The following C3orf38 variants were observed in gnomAD, a reference collection of about 807,000 sequenced individuals.
The protein encoded by C3orf38 is chromosome 3 open reading frame 38, also known as uncharacterized protein C3orf38.
Under a neutral mutation model 28.3 loss-of-function variants are expected in C3orf38, and 18 were observed. That is an observed-to-expected ratio of 0.64 (90% confidence interval 0.44 to 0.94). The LOEUF (loss-of-function observed/expected upper bound fraction) is 0.94. C3orf38 is among the 40% of genes least tolerant of loss of function. The pLI, the probability that C3orf38 is intolerant of heterozygous loss-of-function variation, is 0.00. For synonymous variants in C3orf38, 145 were observed against 138.1 expected, an observed-to-expected ratio of 1.05 and a Z score of -0.35; for missense variants, 364 against 396.4, an observed-to-expected ratio of 0.92 and a Z score of 0.69.
rs201957573 is a variant in C3orf38 at position 88,156,382 on chromosome 3, G to T, written c.737G>T (p.Cys246Phe). 32 of 1,614,086 alleles carry T rather than the reference G, an allele frequency of 2.0e-5. No homozygotes were observed. The highest frequency in any genetic ancestry group is 2.7e-5 in the Non-Finnish European group (32 of 1,180,044). The change falls in exon 3 of 3, where the codon TGT becomes TTT. Residue 246 changes from cysteine to phenylalanine, a missense_variant. Cys to Phe is a radical substitution (Grantham distance 205, BLOSUM62 -2). Transcript: ENST00000318887. The part of the protein sequence containing the change: ...VAGTVHRGNT[C>F]LGIFEQIFGL... ...GGGACTGTCCATCGAGGAAACACTT[G>T]TTTGGGCATTTTTGAACAAATTTTT...
In C3orf38 at chr3:88,150,091, C is replaced by G. The variant is rs1274837619; in HGVS notation, c.39C>G (p.Gly13=). 1.9e-6 allele frequency: 3 copies of G among 1,614,068 alleles called. No homozygotes were observed. Among genetic ancestry groups the G allele is most frequent in the Non-Finnish European group, 2.5e-6 (3 of 1,180,024 alleles). The change falls in exon 1 of 3, where the codon GGC becomes GGG. Residue 13 remains glycine, a synonymous_variant. Coordinates refer to ENST00000318887, the MANE Select transcript of C3orf38 (RefSeq NM_173824.4). ...MSGLSFSEME[G]CRNLLGLLDN... is the part of the protein sequence containing the mutation. ...GACTCAGCTTTTCAGAGATGGAGGG[C>G]TGCCGTAACCTACTTGGCCTACTGG...
At chr3:88,150,399 CG>C (rs1169176049) in intron 1 of C3orf38, among the ~76,000 whole-genome samples, 1 of 152,082 alleles carries the variant, frequency 6.6e-6, no homozygotes, top group Non-Finnish European at 1.5e-5. Context: ...TTATGGGCAG[CG>C]CTTGTTGATT....
chr3:88,155,608 G>A (rs536381531), intron 2 of C3orf38, among the ~76,000 whole-genome samples: 173 of 151,784 alleles, frequency 1.1e-3, no homozygotes, highest in African/African-American at 4.1e-3. Flanking sequence ...ACAGGTACAC[G>A]CCACCATGCC....
rs905891537 is a variant in C3orf38, at chr3:88,157,515, A to C, written c.*880A>C. 16 of 151,952 alleles carry C rather than the reference A, an allele frequency of 1.1e-4. No individual in the cohort carries two copies. The highest frequency in any genetic ancestry group is 2.9e-4 in the African/African-American group (12 of 41,350). 9.4% of individuals were successfully genotyped at this position (151,952 alleles called of 1,614,324 possible). On this transcript the variant is annotated 3_prime_UTR_variant, in exon 3 of 3. Transcript: ENST00000318887. Reference sequence around the variant, plus strand: ...CTTGGCTGATCTTGGCAGAGATGACAAAAAAAACCCCAAAACAACCCATGC... The same window carrying C: ...CTTGGCTGATCTTGGCAGAGATGACCAAAAAAACCCCAAAACAACCCATGC...
intron 1 of C3orf38, 136 bp downstream of exon 1, chr3:88,150,321 T>G: frequency 9.6e-7 from 1 of 1,044,542 alleles, no homozygotes; most frequent in South Asian, 1.6e-5. Flanking sequence ...CGACTTGGGC[T>G]GCCGGGTCAA....
chr3:88,151,996 G>T (rs1290912450), intron 1 of C3orf38, among the ~76,000 whole-genome samples: 4 of 152,220 alleles, frequency 2.6e-5, no homozygotes, highest in African/African-American at 9.7e-5. Flanking sequence ...GGGAAGAGAC[G>T]AAATGGGGGC....
In C3orf38 at chr3:88,156,737, A is replaced by C; in HGVS notation, c.*102A>C. The C allele has an allele frequency of 8.3e-7, 1 of 1,201,882 alleles. No homozygotes were observed. Among genetic ancestry groups the C allele is most frequent in the Non-Finnish European group, 1.2e-6 (1 of 859,474 alleles). 74.5% of individuals were successfully genotyped at this position (1,201,882 alleles called of 1,614,324 possible). A position where few individuals can be genotyped will look rare whatever the true frequency, so the allele number is the denominator to read the frequency against. ...CCTGAAAAAAATCTTCTATACAGAA[A>C]CTCTTCCAAATACTATATCAGTAAT... On this transcript the variant is annotated 3_prime_UTR_variant, in exon 3 of 3. Transcript: ENST00000318887.
chr3:88,150,131 A>G lies in C3orf38; in HGVS notation c.79A>G (p.Met27Val). 1.9e-6 allele frequency: 3 copies of G among 1,614,156 alleles called. No homozygotes were observed. The highest frequency in any genetic ancestry group is 2.5e-6 in the Non-Finnish European group (3 of 1,180,012). The change falls in exon 1 of 3, where the codon ATG becomes GTG. Residue 27 changes from methionine to valine, a missense_variant. Physicochemically the swap from Met to Val is conservative, Grantham distance 21 (BLOSUM62 1). Coordinates refer to ENST00000318887, the MANE Select transcript of C3orf38 (RefSeq NM_173824.4). Reference sequence around the variant, plus strand: ...TGGCCTACTGGACAACGACGAGATCATGGCCCTATGCGACACTGTCACCAA... The same window carrying G: ...TGGCCTACTGGACAACGACGAGATCGTGGCCCTATGCGACACTGTCACCAA... ...LLGLLDNDEI[M>V]ALCDTVTNRL...
In C3orf38 at chr3:88,157,946, A is replaced by G. The variant is rs1707502586; in HGVS notation, c.*1311A>G. The G allele has an allele frequency of 6.6e-6, 1 of 152,140 alleles. No homozygotes were observed. Among genetic ancestry groups the G allele is most frequent in the Admixed American group, 6.5e-5 (1 of 15,276 alleles). 9.4% of individuals were successfully genotyped at this position (152,140 alleles called of 1,614,324 possible). A position where few individuals can be genotyped will look rare whatever the true frequency, so the allele number is the denominator to read the frequency against. On this transcript the variant is annotated 3_prime_UTR_variant, in exon 3 of 3. Transcript: ENST00000318887. ...AATAAGAACTTAATAAAGGAGGGAA[A>G]TCCCTTTTGTCTGCTATAAGAATAG...
Position 88,156,153 on chromosome 3 carries a change from C to T in C3orf38, c.508C>T (p.Gln170Ter). The T allele has an allele frequency of 6.2e-7, 1 of 1,613,908 alleles. No homozygotes were observed. The highest frequency in any genetic ancestry group is 1.1e-5 in the South Asian group (1 of 91,066). ...ACCACCTCAAGATGAATGGGGACCA[C>T]AGCACTTCTGGCATGATGTGAAGCT... Reference protein sequence around the residue: ...LGPPQDEWGPQHFWHDVKLRF... With the variant: ...LGPPQDEWGP Residue 170 changes from glutamine to a stop codon, truncating the protein, a stop_gained, in exon 3 of 3, where the codon CAG becomes TAG. Coordinates refer to ENST00000318887, the MANE Select transcript of C3orf38 (RefSeq NM_173824.4). LOFTEE classifies it high-confidence loss of function.
At chr3:88,150,427 G>A (rs994220630) in intron 1 of C3orf38, among the ~76,000 whole-genome samples, 5 of 152,196 alleles carry the variant, frequency 3.3e-5, no homozygotes, top group African/African-American at 1.2e-4. Flanking sequence ...TTCGGAATAA[G>A]TCATTTAAAT....
chr3:88,153,295 C>G lies in C3orf38; in HGVS notation c.199C>G (p.His67Asp), dbSNP rs1707440359. The change falls in exon 2 of 3, where the codon CAC (histidine) becomes GAC (aspartate). Residue 67 changes from histidine to aspartate, a missense_variant. Transcript: ENST00000318887. ...AEELLRRRKV[H>D]REVIFKYLAT... ...AGAACTTCTGAGGCGTAGAAAAGTCCACCGAGAAGTTATATTTAAGTACTT... is the reference window on the plus strand; with the variant it reads ...AGAACTTCTGAGGCGTAGAAAAGTCGACCGAGAAGTTATATTTAAGTACTT... 6.2e-7 allele frequency: 1 copy of G among 1,613,598 alleles called. No homozygotes were observed. The highest frequency in any genetic ancestry group is 8.5e-7 in the Non-Finnish European group (1 of 1,179,790).
intron 2 of C3orf38, 28 bp downstream of exon 2, chr3:88,153,499 G>A: frequency 1.2e-6 from 2 of 1,611,024 alleles, no homozygotes; most frequent in Non-Finnish European, 1.7e-6. Context: ...GTTGTATTCT[G>A]AACCTTTGTT....
chr3:88,153,798 C>G (rs1707447354), intron 2 of C3orf38, among the ~76,000 whole-genome samples: 1 of 152,104 alleles, frequency 6.6e-6, no homozygotes, highest in South Asian at 2.1e-4. Flanking sequence ...TGGTCTTGAA[C>G]TCCTGACCTC....
chr3:88,155,080 G>A (rs1459947808), intron 2 of C3orf38, among the ~76,000 whole-genome samples: 1 of 151,852 alleles, frequency 6.6e-6, no homozygotes, highest in Non-Finnish European at 1.5e-5. Flanking sequence ...GACTGGTCTT[G>A]AACTCCTAAC....
In C3orf38 at chr3:88,156,475, G is replaced by A. The variant is rs779184985; in HGVS notation, c.830G>A (p.Gly277Glu). 6.2e-7 allele frequency: 1 copy of A among 1,614,154 alleles called. No individual in the cohort carries two copies. Among genetic ancestry groups the A allele is most frequent in the Non-Finnish European group, 8.5e-7 (1 of 1,180,028 alleles). Residue 277 changes from glycine to glutamate, a missense_variant, in exon 3 of 3, where the codon GGA (glycine) becomes GAA (glutamate). By Grantham distance (98) the Gly-to-Glu change is moderately conservative. Transcript: ENST00000318887. Reference sequence around the variant, plus strand: ...AAATTTATCAACCTGAAAATTATGGGAGAGAGTTCCCTTGCTCCTGGAACA... The same window carrying A: ...AAATTTATCAACCTGAAAATTATGGAAGAGAGTTCCCTTGCTCCTGGAACA... ...KIKFINLKIM[G>E]ESSLAPGTLP...
Position 88,156,616 on chromosome 3 carries a change from G to C in C3orf38, c.971G>C (p.Gly324Ala). The change falls in exon 3 of 3, where the codon GGA becomes GCA. Residue 324 changes from glycine to alanine, a missense_variant. Transcript: ENST00000318887. The part of the protein sequence containing the change: ...RHNVKQASDS[G>A]TGDQV ...AATGTAAAGCAGGCTTCGGATAGTGGAACTGGGGACCAAGTTTGAGGTAGT... is the reference window on the plus strand; with the variant it reads ...AATGTAAAGCAGGCTTCGGATAGTGCAACTGGGGACCAAGTTTGAGGTAGT... 1 of 1,610,236 alleles carries C rather than the reference G, an allele frequency of 6.2e-7. No individual in the cohort carries two copies. Among genetic ancestry groups the C allele is most frequent in the African/African-American group, 1.3e-5 (1 of 74,860 alleles).
At chr3:88,152,013 G>T (rs1287976794) in intron 1 of C3orf38, among the ~76,000 whole-genome samples, 1 of 152,208 alleles carries the variant, frequency 6.6e-6, no homozygotes, top group Non-Finnish European at 1.5e-5. Flanking sequence ...GGGCCTCAAA[G>T]ATAGTAATTT....
At position 88,150,039 on chromosome 3, in the gene C3orf38, C is replaced by CA. The variant is rs777779273; in HGVS notation, c.-14_-13insA. The CA allele has an allele frequency of 5.6e-6, 9 of 1,613,932 alleles. No individual in the cohort carries two copies. Among genetic ancestry groups the CA allele is most frequent in the East Asian group, 2.2e-5 (1 of 44,866 alleles). On this transcript the variant is annotated 5_prime_UTR_variant, in exon 1 of 3. Transcript: ENST00000318887. ...CGACATTGTTGCCGTTGTCTTTCCCCCCCAGTCCCGGGGATGGAGATGTCG... is the reference window on the plus strand; with the variant it reads ...CGACATTGTTGCCGTTGTCTTTCCCCACCCAGTCCCGGGGATGGAGATGTCG...
Sources: allele counts gnomAD v4.1 joint callset (sites outside exome capture counted in the v4.1 genomes callset), GRCh38; gene constraint gnomAD v4.1.1; transcripts MANE v1.5; gene names NCBI Gene and HGNC (gene_info 2026-07-23, HGNC 2026-07-21).